HS6ST3: variants seen among roughly 807,000 people sequenced by gnomAD.
HS6ST3 encodes heparan-sulfate 6-O-sulfotransferase 3.
Under a neutral mutation model 36.7 loss-of-function variants are expected in HS6ST3, and 12 were observed. The observed-to-expected ratio is 0.33, with a 90% CI of 0.21 to 0.53. The LOEUF (loss-of-function observed/expected upper bound fraction) is 0.53, where lower values mean the gene tolerates loss of function less well. Ranked by LOEUF, HS6ST3 falls within the 20% of genes least tolerant of loss-of-function variation. The pLI is 0.95. For synonymous variants in HS6ST3, 240 were observed against 257.5 expected (o/e 0.93, Z 0.65); for missense variants, 584 against 640.9 (o/e 0.91, Z 0.96).
intron 1 of HS6ST3, among the ~76,000 whole-genome samples, chr13:96,451,999 G>A (rs1175991288): frequency 3.3e-5 from 5 of 152,156 alleles, no homozygotes; most frequent in African/African-American, 4.8e-5. Flanking sequence ...TTGAATTGGC[G>A]AAAAATAATT....
chr13:96,747,513 C>A (rs1055841748), intron 1 of HS6ST3, among the ~76,000 whole-genome samples: 4 of 152,098 alleles, frequency 2.6e-5, no homozygotes, highest in Non-Finnish European at 4.4e-5. Flanking sequence ...GTATTACTAT[C>A]CCAAATAAGA....
chr13:96,761,368 G>T (rs1876967281), intron 1 of HS6ST3, among the ~76,000 whole-genome samples: 1 of 151,914 alleles, frequency 6.6e-6, no homozygotes, highest in Admixed American at 6.6e-5. Context: ...ATTGGGTTTT[G>T]GTGGCTCCTT....
intron 1 of HS6ST3, among the ~76,000 whole-genome samples, chr13:96,769,471 A>T (rs1877204342): frequency 9.3e-6 from 1 of 107,322 alleles, no homozygotes; most frequent in South Asian, 3.2e-4. Context: ...CACATTCCTG[A>T]CTTTAAAACC....
Position 96,380,138 on chromosome 13 carries a change from A to G in HS6ST3, c.707+288569A>G, listed in dbSNP as rs543899656. Reference sequence around the variant, plus strand: ...CAGCAAGCAGCTCTCTGCTTCATAGAACATTCTGTTTCAGTGTTGGTGGTG... The same window carrying G: ...CAGCAAGCAGCTCTCTGCTTCATAGGACATTCTGTTTCAGTGTTGGTGGTG... On this transcript the variant is annotated intron_variant, in intron 1 of 1. Coordinates refer to ENST00000376705, the MANE Select transcript of HS6ST3 (RefSeq NM_153456.4). Among the ~76,000 whole-genome samples, 6 of 152,260 alleles carry G rather than the reference A, an allele frequency of 3.9e-5. No individual in the cohort carries two copies. The East Asian group carries it at 7.7e-4, about 20-fold the overall frequency.
At chr13:96,500,058 C>T (rs1053887733) in intron 1 of HS6ST3, among the ~76,000 whole-genome samples, 3 of 152,222 alleles carry the variant, frequency 2.0e-5, no homozygotes, top group African/African-American at 2.4e-5. Context: ...ACAAAGGAGC[C>T]GTATACTTGT....
intron 1 of HS6ST3, among the ~76,000 whole-genome samples, chr13:96,150,604 T>C (rs955336290): frequency 4.6e-5 from 7 of 152,188 alleles, no homozygotes; most frequent in Non-Finnish European, 1.0e-4. Flanking sequence ...GAGGAAGATC[T>C]ACACCTATTT....
rs1156771938 is a variant in HS6ST3, at chr13:96,309,021, G to GAA, written c.707+217456_707+217457dup. 2.6e-5 allele frequency among the ~76,000 whole-genome samples: 4 copies of GAA among 151,980 alleles called. No individual in the cohort carries two copies. The East Asian group carries it at 7.7e-4, about 29-fold the overall frequency. The stretch of plus-strand genomic sequence containing the variant: ...AATATTTACATAGACTTCAACTGTG[G>GAA]AAAAACAATTTTAAATATTTTCTAA... On this transcript the variant is annotated intron_variant, in intron 1 of 1. Transcript: ENST00000376705.
At chr13:96,567,429 T>C (rs974819413) in intron 1 of HS6ST3, among the ~76,000 whole-genome samples, 2 of 152,104 alleles carry the variant, frequency 1.3e-5, no homozygotes, top group African/African-American at 2.4e-5. Context: ...ATCAGCAACA[T>C]TGGACACAAA....
At chr13:96,810,144 G>A (rs1878286376) in intron 1 of HS6ST3, among the ~76,000 whole-genome samples, 1 of 152,184 alleles carries the variant, frequency 6.6e-6, no homozygotes, top group African/African-American at 2.4e-5. Context: ...CCGCTGTGAG[G>A]CACCCCAGCC....
chr13:96,187,781 C>T (rs774650575), intron 1 of HS6ST3, among the ~76,000 whole-genome samples: 4 of 152,196 alleles, frequency 2.6e-5, no homozygotes, highest in Non-Finnish European at 5.9e-5. Flanking sequence ...TACCTGCCCT[C>T]CTGCTGACTT....
At chr13:96,536,997 C>T (rs1000419421) in intron 1 of HS6ST3, among the ~76,000 whole-genome samples, 1 of 152,102 alleles carries the variant, frequency 6.6e-6, no homozygotes, top group Non-Finnish European at 1.5e-5. Flanking sequence ...GAATCCTCTG[C>T]GAAGCCCATA....
intron 1 of HS6ST3, among the ~76,000 whole-genome samples, chr13:96,407,853 G>A (rs1326407162): frequency 6.6e-6 from 1 of 152,166 alleles, no homozygotes; most frequent in Admixed American, 6.5e-5. Flanking sequence ...AGTCTCAGAA[G>A]TTAAATAAAA....
At chr13:96,453,898 A>G (rs1414242673) in intron 1 of HS6ST3, among the ~76,000 whole-genome samples, 1 of 152,142 alleles carries the variant, frequency 6.6e-6, no homozygotes, top group African/African-American at 2.4e-5. Context: ...TGATATGGAA[A>G]AGGGTTTCTT....
rs1280051201 is a variant in HS6ST3 at position 96,833,814 on chromosome 13, C to T, written c.*616C>T. 1 of 152,302 alleles carries T rather than the reference C, an allele frequency of 6.6e-6. No individual in the cohort carries two copies. Among genetic ancestry groups the T allele is most frequent in the Admixed American group, 6.5e-5 (1 of 15,292 alleles). The allele number at this position is 152,302 out of a possible 1,614,324, so 9.4% of individuals were successfully genotyped here. On this transcript the variant is annotated 3_prime_UTR_variant, in exon 2 of 2. Transcript: ENST00000376705. ...ATTATTGACCATTGCTAGAGACCCA[C>T]ATCCTACAAAATCCTGACACCATAA...
intron 1 of HS6ST3, among the ~76,000 whole-genome samples, chr13:96,229,686 C>T (rs978311171): frequency 6.6e-6 from 1 of 152,172 alleles, no homozygotes; most frequent in Non-Finnish European, 1.5e-5. Context: ...TTGGGGGTCA[C>T]AAACATTCAG....
At chr13:96,631,676 A>G (rs1217932085) in intron 1 of HS6ST3, among the ~76,000 whole-genome samples, 3 of 152,246 alleles carry the variant, frequency 2.0e-5, no homozygotes, top group Non-Finnish European at 2.9e-5. Context: ...ACCTCAGTAC[A>G]TGATGACTGT....
chr13:96,779,004 T>A (rs2138512637), intron 1 of HS6ST3, among the ~76,000 whole-genome samples: 1 of 152,056 alleles, frequency 6.6e-6, no homozygotes, highest in Middle Eastern at 3.4e-3. Context: ...AAAGGATGAG[T>A]TCATGTCCTT....
chr13:96,492,218 C>T (rs560055176), intron 1 of HS6ST3, among the ~76,000 whole-genome samples: 61 of 152,286 alleles, frequency 4.0e-4, no homozygotes, highest in African/African-American at 1.4e-3. Context: ...GGTTCATTCT[C>T]TCTGCTTTTG....
intron 1 of HS6ST3, among the ~76,000 whole-genome samples, chr13:96,371,185 A>G (rs1438737922): frequency 1.3e-5 from 2 of 152,172 alleles, no homozygotes; most frequent in African/African-American, 2.4e-5. Flanking sequence ...TCTACCCCAT[A>G]TTGTGAACAC....
Sources: gnomAD v4.1 joint callset for allele counts (sites outside exome capture counted in the v4.1 genomes callset) on GRCh38, gnomAD v4.1.1 for gene constraint, MANE v1.5 for transcripts, NCBI Gene and HGNC (gene_info 2026-07-23, HGNC 2026-07-21) for gene names.